TENM4: variants seen among roughly 807,000 people sequenced by gnomAD.
TENM4 encodes teneurin transmembrane protein 4.
TENM4 carries 82 observed loss-of-function variants against 243.3 expected under a neutral mutation model. That is an observed-to-expected ratio of 0.34 (90% CI 0.28 to 0.40). TENM4 has a LOEUF of 0.40. Among genes scored for constraint, TENM4 ranks in the 10% least tolerant of loss-of-function variants. The pLI, the probability that TENM4 is intolerant of heterozygous loss-of-function variation, is 1.00. For synonymous variants in TENM4, 1,412 were observed against 1,456.3 expected (o/e 0.97, Z 0.69); for missense variants, 3,138 against 3,673.3 (o/e 0.85, Z 3.77).
rs528948126 is a variant in TENM4, at chr11:78,997,611, T to G, written c.493+67127A>C. On this transcript the variant is annotated intron_variant, in intron 6 of 33. Transcript: ENST00000278550. ...TTAATGGGGAAAAGAAGAAAGGCCC[T>G]GAGCTTCAGCATCCACAGCTGGAAT... Among the ~76,000 whole-genome samples, 4 of 152,306 alleles carry G rather than the reference T, an allele frequency of 2.6e-5. No homozygotes were observed. The South Asian group carries it at 6.2e-4, about 24-fold the overall frequency.
At chr11:79,059,890 T>G (rs1445159387) in intron 6 of TENM4, among the ~76,000 whole-genome samples, 2 of 152,188 alleles carry the variant, frequency 1.3e-5, no homozygotes, top group Non-Finnish European at 2.9e-5. Flanking sequence ...GTCTCCACAT[T>G]GGACTCTGAA....
intron 16 of TENM4, among the ~76,000 whole-genome samples, chr11:78,785,940 C>G (rs77467319): frequency 0.015 from 2,223 of 151,934 alleles, 71 homozygotes; most frequent in African/African-American, 0.052. Context: ...CTTCTAAAGC[C>G]ATGTGCTCAC....
chr11:78,944,865 G>A (rs1856977413), intron 6 of TENM4, among the ~76,000 whole-genome samples: 1 of 152,108 alleles, frequency 6.6e-6, no homozygotes, highest in Admixed American at 6.5e-5. Context: ...AATCTGTCTG[G>A]GTCACTCTGC....
intron 33 of TENM4, 114 bp from the exon 34 acceptor site, chr11:78,658,930 G>T (rs1857968657): frequency 2.4e-6 from 3 of 1,241,994 alleles, no homozygotes; most frequent in African/African-American, 1.5e-5. Flanking sequence ...TTAACCTGCG[G>T]CATGTAGCTC....
chr11:79,294,113 T>A (rs1342617781), intron 2 of TENM4, among the ~76,000 whole-genome samples: 2 of 152,138 alleles, frequency 1.3e-5, no homozygotes, highest in South Asian at 2.1e-4. Flanking sequence ...GCTAATGAAA[T>A]AATCAAATAC....
chr11:78,973,996 G>C (rs1370993526), intron 6 of TENM4, among the ~76,000 whole-genome samples: 1 of 152,026 alleles, frequency 6.6e-6, no homozygotes, highest in Non-Finnish European at 1.5e-5. Context: ...TCATCTAAGG[G>C]ACAGCAAGGA....
chr11:78,896,815 G>C (rs1343732031), intron 7 of TENM4, among the ~76,000 whole-genome samples: 1 of 152,146 alleles, frequency 6.6e-6, no homozygotes, highest in Admixed American at 6.5e-5. Flanking sequence ...CCACTTACTG[G>C]CTGTGGGACC....
chr11:79,156,045 A>G (rs945108315), intron 3 of TENM4, among the ~76,000 whole-genome samples: 1 of 152,194 alleles, frequency 6.6e-6, no homozygotes, highest in Non-Finnish European at 1.5e-5. Context: ...AAGAGAGGTG[A>G]GCTTCAGTTA....
intron 2 of TENM4, among the ~76,000 whole-genome samples, chr11:79,289,897 T>A (rs1856324479): frequency 6.6e-6 from 1 of 152,232 alleles, no homozygotes; most frequent in Admixed American, 6.5e-5. Flanking sequence ...AGATAAGTTA[T>A]CAATTCTTTC....
intron 6 of TENM4, among the ~76,000 whole-genome samples, chr11:78,946,847 A>G (rs771133433): frequency 2.5e-4 from 38 of 152,184 alleles, no homozygotes; most frequent in Admixed American, 4.6e-4. Flanking sequence ...GAGCCTCAAG[A>G]TGTAACTGAA....
chr11:79,263,149 A>G (rs141122831), intron 2 of TENM4, among the ~76,000 whole-genome samples: 9 of 152,294 alleles, frequency 5.9e-5, no homozygotes, highest in African/African-American at 2.2e-4. Flanking sequence ...GTGACCAATA[A>G]AAGCCCTCCC....
chr11:78,777,544 A>G (rs1856760975), intron 17 of TENM4, among the ~76,000 whole-genome samples: 1 of 152,210 alleles, frequency 6.6e-6, no homozygotes, highest in African/African-American at 2.4e-5. Flanking sequence ...AGTATAATTC[A>G]TACTTATTGA....
intron 2 of TENM4, among the ~76,000 whole-genome samples, chr11:79,219,780 A>G (rs1204942169): frequency 6.6e-6 from 1 of 152,168 alleles, no homozygotes; most frequent in Non-Finnish European, 1.5e-5. Flanking sequence ...GTGGAGCTTG[A>G]TCATTTCCTG....
intron 18 of TENM4, among the ~76,000 whole-genome samples, chr11:78,770,595 T>G (rs1056240029): frequency 1.3e-5 from 2 of 152,216 alleles, no homozygotes; most frequent in African/African-American, 4.8e-5. Context: ...CTCAACCTCC[T>G]TCCCTGGGAG....
At chr11:79,082,084 A>G (rs1237167259) in intron 4 of TENM4, among the ~76,000 whole-genome samples, 3 of 152,202 alleles carry the variant, frequency 2.0e-5, no homozygotes, top group Non-Finnish European at 4.4e-5. Flanking sequence ...CAATGCTAAG[A>G]ACAGCTTAGA....
At chr11:78,799,163 G>T (rs1222268198) in intron 15 of TENM4, among the ~76,000 whole-genome samples, 4 of 152,194 alleles carry the variant, frequency 2.6e-5, no homozygotes, top group African/African-American at 7.2e-5. Flanking sequence ...AGAGGAGGCT[G>T]ACCCTAACTC....
At chr11:79,007,875 T>C (rs988555848) in intron 6 of TENM4, among the ~76,000 whole-genome samples, 3 of 152,160 alleles carry the variant, frequency 2.0e-5, no homozygotes, top group Non-Finnish European at 2.9e-5. Context: ...TTCCTTTTTT[T>C]CCCACCAGTT....
intron 28 of TENM4, among the ~76,000 whole-genome samples, chr11:78,693,550 G>A (rs527635123): frequency 6.6e-6 from 1 of 152,270 alleles, no homozygotes; most frequent in African/African-American, 2.4e-5. Flanking sequence ...TTATTTTCAG[G>A]ACGCTTTGCT....
intron 6 of TENM4, among the ~76,000 whole-genome samples, chr11:79,009,738 G>A (rs1858593297): frequency 6.6e-6 from 1 of 152,188 alleles, no homozygotes; most frequent in Admixed American, 6.5e-5. Flanking sequence ...GGGAAAGTTA[G>A]TGGCAGGGCT....
Sources: allele counts gnomAD v4.1 joint callset (sites outside exome capture counted in the v4.1 genomes callset), GRCh38; gene constraint gnomAD v4.1.1; transcripts MANE v1.5; gene names NCBI Gene and HGNC (gene_info 2026-07-23, HGNC 2026-07-21).